Variants in CAMK1D observed in about 807,000 individuals in gnomAD.
The protein encoded by CAMK1D is calcium/calmodulin-dependent protein kinase type 1D.
A neutral mutation model predicts 47.7 loss-of-function variants in CAMK1D; 9 were observed. The observed-to-expected ratio is 0.19, with a 90% CI of 0.11 to 0.33. The LOEUF (loss-of-function observed/expected upper bound fraction) is 0.33. Ranked by LOEUF, CAMK1D falls within the 10% of genes least tolerant of loss-of-function variation. The probability of loss-of-function intolerance (pLI) is 1.00; values close to 1 mark genes in which losing one functional copy is unlikely to be tolerated. For synonymous variants in CAMK1D, 184 were observed against 184.9 expected, an observed-to-expected ratio of 0.99 and a Z score of 0.04; for missense variants, 291 against 488.7, an observed-to-expected ratio of 0.60 and a Z score of 3.81.
chr10:12,559,620 G>A (rs772392249), intron 2 of CAMK1D, among the ~76,000 whole-genome samples: 1 of 152,168 alleles, frequency 6.6e-6, no homozygotes, highest in Non-Finnish European at 1.5e-5. Context: ...ACTCAGATGT[G>A]CTCCCTTGGA....
intron 3 of CAMK1D, among the ~76,000 whole-genome samples, chr10:12,753,204 A>T (rs538094707): frequency 6.6e-6 from 1 of 152,380 alleles, no homozygotes; most frequent in Admixed American, 6.5e-5. Context: ...GTGAGCAGAG[A>T]TCGTGCCACT....
intron 3 of CAMK1D, among the ~76,000 whole-genome samples, chr10:12,672,959 C>A (rs1421000000): frequency 2.2e-5 from 3 of 134,668 alleles, no homozygotes; most frequent in Non-Finnish European, 4.6e-5. Flanking sequence ...TGCAGTGGCA[C>A]GATATTGGCT....
chr10:12,429,790 A>T (rs1840379455), intron 1 of CAMK1D, among the ~76,000 whole-genome samples: 1 of 152,140 alleles, frequency 6.6e-6, no homozygotes, highest in Non-Finnish European at 1.5e-5. Context: ...TGCCTGTGGG[A>T]GATGGGCCCA....
intron 2 of CAMK1D, among the ~76,000 whole-genome samples, chr10:12,641,013 C>T (rs957832599): frequency 6.6e-6 from 1 of 152,058 alleles, no homozygotes; most frequent in Non-Finnish European, 1.5e-5. Context: ...GGCTGGAGTG[C>T]AGTGGTGTGA....
intron 2 of CAMK1D, among the ~76,000 whole-genome samples, chr10:12,627,974 A>G: frequency 6.6e-6 from 1 of 151,808 alleles, no homozygotes; most frequent in Non-Finnish European, 1.5e-5. Flanking sequence ...CCGGCTACTC[A>G]GGAGGCTGAG....
chr10:12,727,767 CT>C (rs5783286), intron 3 of CAMK1D, among the ~76,000 whole-genome samples: 33 of 144,208 alleles, frequency 2.3e-4, no homozygotes, highest in South Asian at 1.1e-3. Flanking sequence ...TAATCACAGC[CT>C]TTTTTTTTTT....
intron 1 of CAMK1D, among the ~76,000 whole-genome samples, chr10:12,434,630 C>G (rs1334559596): frequency 1.3e-5 from 2 of 152,226 alleles, no homozygotes; most frequent in Admixed American, 1.3e-4. Context: ...ATTTAAGGAC[C>G]TAAATTAGCA....
chr10:12,405,919 C>T (rs760289041), intron 1 of CAMK1D, among the ~76,000 whole-genome samples: 4 of 152,182 alleles, frequency 2.6e-5, no homozygotes, highest in South Asian at 2.1e-4. Context: ...ACTTAAATGG[C>T]GTTTTTATGT....
At chr10:12,660,011 C>T (rs910647810) in intron 2 of CAMK1D, among the ~76,000 whole-genome samples, 4 of 152,218 alleles carry the variant, frequency 2.6e-5, no homozygotes, top group African/African-American at 4.8e-5. Flanking sequence ...TAATCAGTTT[C>T]ACTCTTGTCT....
In CAMK1D at chr10:12,745,188, G is replaced by A. The variant is rs554398191; in HGVS notation, c.300-15760G>A. Among the ~76,000 whole-genome samples, 214 of 152,170 alleles carry A rather than the reference G, an allele frequency of 1.4e-3. 3 individuals carry two copies. The highest frequency in any genetic ancestry group is 5.0e-3 in the African/African-American group (208 of 41,536). ...TGGGACTACAGGCACCCACCACCAC[G>A]CCCAGCCAATTTTTTGTATTTTTAG... On this transcript the variant is annotated intron_variant, in intron 3 of 10. Transcript: ENST00000619168.
chr10:12,422,695 CAG>C (rs1196876102), intron 1 of CAMK1D, among the ~76,000 whole-genome samples: 1 of 150,876 alleles, frequency 6.6e-6, no homozygotes, highest in Non-Finnish European at 1.5e-5. Context: ...TTTTTTGAGA[CAG>C]AGTCTCAGTC....
At chr10:12,823,952 C>T (rs1309806833) in intron 8 of CAMK1D, among the ~76,000 whole-genome samples, 1 of 151,798 alleles carries the variant, frequency 6.6e-6, no homozygotes, top group African/African-American at 2.4e-5. Flanking sequence ...CTGGGAGCAG[C>T]GCCCCTGGGG....
chr10:12,543,357 A>G (rs530886401), intron 1 of CAMK1D, among the ~76,000 whole-genome samples: 23 of 152,266 alleles, frequency 1.5e-4, no homozygotes, highest in African/African-American at 5.5e-4. Context: ...CCATTGCCCA[A>G]TTATTAACAA....
At chr10:12,388,813 C>T (rs1838616230) in intron 1 of CAMK1D, among the ~76,000 whole-genome samples, 1 of 152,160 alleles carries the variant, frequency 6.6e-6, no homozygotes, top group African/African-American at 2.4e-5. Flanking sequence ...AACCATCCCA[C>T]CGCTTAGGAA....
intron 1 of CAMK1D, among the ~76,000 whole-genome samples, chr10:12,479,027 G>A (rs1012472267): frequency 6.6e-6 from 1 of 152,008 alleles, no homozygotes; most frequent in Non-Finnish European, 1.5e-5. Context: ...ATGAATGGGG[G>A]AACTCTGACT....
intron 2 of CAMK1D, among the ~76,000 whole-genome samples, chr10:12,576,829 G>A (rs1837503638): frequency 6.6e-6 from 1 of 152,138 alleles, no homozygotes; most frequent in Non-Finnish European, 1.5e-5. Context: ...GAGCTTTGTA[G>A]ACAAATCCAT....
chr10:12,513,666 T>G (rs1835104942), intron 1 of CAMK1D, among the ~76,000 whole-genome samples: 1 of 151,962 alleles, frequency 6.6e-6, no homozygotes, highest in Non-Finnish European at 1.5e-5. Flanking sequence ...CCAGGTGTGG[T>G]GGCATGCATC....
intron 4 of CAMK1D, among the ~76,000 whole-genome samples, chr10:12,767,239 G>A (rs1053719923): frequency 7.9e-5 from 12 of 152,110 alleles, no homozygotes; most frequent in Middle Eastern, 3.2e-3. Context: ...GTGCAGTGGC[G>A]CACTATCGGC....
chr10:12,415,330 C>T (rs1839805971), intron 1 of CAMK1D, among the ~76,000 whole-genome samples: 1 of 151,756 alleles, frequency 6.6e-6, no homozygotes, highest in African/African-American at 2.4e-5. Context: ...CCGTTGTTGC[C>T]CAGGCTGGAG....
Sources: gnomAD v4.1 joint callset for allele counts (sites outside exome capture counted in the v4.1 genomes callset) on GRCh38, gnomAD v4.1.1 for gene constraint, MANE v1.5 for transcripts, NCBI Gene and HGNC (gene_info 2026-07-23, HGNC 2026-07-21) for gene names.